KIAA1549L: variants seen among roughly 807,000 people sequenced by gnomAD.
The protein encoded by KIAA1549L is UPF0606 protein KIAA1549L.
A neutral mutation model predicts 160.7 loss-of-function variants in KIAA1549L; 88 were observed. That is an observed-to-expected ratio of 0.55 (90% confidence interval 0.46 to 0.65). The LOEUF (loss-of-function observed/expected upper bound fraction) is 0.65, where lower values mean the gene tolerates loss of function less well. Ranked by LOEUF, KIAA1549L falls within the 30% of genes least tolerant of loss-of-function variation. The probability of loss-of-function intolerance (pLI) is 0.00; values close to 1 mark genes in which losing one functional copy is unlikely to be tolerated. For synonymous variants in KIAA1549L, 950 were observed against 976.7 expected (o/e 0.97, Z 0.51); for missense variants, 2,258 against 2,437.5 (o/e 0.93, Z 1.55).
intron 1 of KIAA1549L, among the ~76,000 whole-genome samples, chr11:33,455,094 A>T (rs59102476): frequency 1.3e-5 from 2 of 152,014 alleles, no homozygotes; most frequent in East Asian, 3.9e-4. Flanking sequence ...ATCTCAAAAA[A>T]CAAAACAAAA....
chr11:33,480,345 C>G (rs1251792563), intron 1 of KIAA1549L, among the ~76,000 whole-genome samples: 1 of 152,142 alleles, frequency 6.6e-6, no homozygotes, highest in East Asian at 1.9e-4. Flanking sequence ...CTCAGCCGTG[C>G]TGTAGCATGT....
intron 16 of KIAA1549L, among the ~76,000 whole-genome samples, chr11:33,624,453 C>T (rs1851041354): frequency 6.6e-6 from 1 of 152,172 alleles, no homozygotes; most frequent in African/African-American, 2.4e-5. Flanking sequence ...ATGTAAACAC[C>T]CCTTGGGAAT....
intron 1 of KIAA1549L, among the ~76,000 whole-genome samples, chr11:33,386,970 G>A (rs1850185987): frequency 6.6e-6 from 1 of 152,000 alleles, no homozygotes. Context: ...AGCCAGGTAT[G>A]GTGGTGCACA....
rs113827305 is a variant in KIAA1549L, at chr11:33,517,868, G to A, written c.239-23934G>A. Reference sequence around the variant, plus strand: ...AACTTAAAAGACATTGCAGGCAGGCGCGGTGGCTCACACCTGTAATCCTAG... The same window carrying A: ...AACTTAAAAGACATTGCAGGCAGGCACGGTGGCTCACACCTGTAATCCTAG... On this transcript the variant is annotated intron_variant, in intron 1 of 20. Coordinates refer to ENST00000658780, the MANE Select transcript of KIAA1549L (RefSeq NM_012194.3). 3.9e-5 allele frequency among the ~76,000 whole-genome samples: 6 copies of A among 152,136 alleles called. 1 individual carries two copies. The highest frequency in any genetic ancestry group is 9.6e-5 in the African/African-American group (4 of 41,496).
chr11:33,588,099 G>A (rs1242116930), intron 11 of KIAA1549L, among the ~76,000 whole-genome samples: 1 of 152,172 alleles, frequency 6.6e-6, no homozygotes, highest in Non-Finnish European at 1.5e-5. Context: ...CTGTAAACTG[G>A]GAACTCATGA....
chr11:33,470,090 T>C (rs73487007), intron 1 of KIAA1549L, among the ~76,000 whole-genome samples: 2,473 of 152,324 alleles, frequency 0.016, 53 homozygotes, highest in African/African-American at 0.055. Flanking sequence ...AACTGTTGCC[T>C]AATCTAAGGT....
At chr11:33,625,860 C>G (rs1178933078) in intron 16 of KIAA1549L, among the ~76,000 whole-genome samples, 4 of 152,032 alleles carry the variant, frequency 2.6e-5, no homozygotes, top group Admixed American at 6.6e-5. Context: ...ATGGTAATGC[C>G]TAGGTTTTCT....
At chr11:33,467,867 ACT>A (rs1336100453) in intron 1 of KIAA1549L, among the ~76,000 whole-genome samples, 2 of 152,030 alleles carry the variant, frequency 1.3e-5, no homozygotes, top group African/African-American at 2.4e-5. Context: ...AAGGTGAAAA[ACT>A]CTGCAGTTAA....
intron 1 of KIAA1549L, among the ~76,000 whole-genome samples, chr11:33,477,503 G>GCGCACA (rs60112370): frequency 2.8e-5 from 4 of 142,878 alleles, no homozygotes; most frequent in African/African-American, 1.1e-4. Context: ...CCACGCAGGT[G>GCGCACA]CACGCACACA....
At chr11:33,501,414 T>G (rs1424983699) in intron 1 of KIAA1549L, among the ~76,000 whole-genome samples, 1 of 152,218 alleles carries the variant, frequency 6.6e-6, no homozygotes, top group African/African-American at 2.4e-5. Context: ...ATGGAAATAA[T>G]TTGGATAATG....
chr11:33,545,392 G>A lies in KIAA1549L; in HGVS notation c.3385+14G>A. Reference sequence around the variant, plus strand: ...TGGTGAAGACAGGTATGAGACCACTGTTCTGATCTGAAAGCAGCAAGCCTG... The same window carrying A: ...TGGTGAAGACAGGTATGAGACCACTATTCTGATCTGAAAGCAGCAAGCCTG... On this transcript the variant is annotated intron_variant, in intron 3 of 20. Transcript: ENST00000658780. 1.9e-6 allele frequency: 3 copies of A among 1,591,890 alleles called. No homozygotes were observed. Among genetic ancestry groups the A allele is most frequent in the Non-Finnish European group, 2.6e-6 (3 of 1,171,930 alleles).
At chr11:33,398,803 T>C (rs1185330634) in intron 1 of KIAA1549L, among the ~76,000 whole-genome samples, 1 of 152,240 alleles carries the variant, frequency 6.6e-6, no homozygotes, top group Admixed American at 6.5e-5. Context: ...TCACAATCTC[T>C]GAATCTTAGG....
chr11:33,380,722 T>C (rs932781403), intron 1 of KIAA1549L, among the ~76,000 whole-genome samples: 1 of 152,118 alleles, frequency 6.6e-6, no homozygotes, highest in African/African-American at 2.4e-5. Context: ...TGAATCTGGG[T>C]ACCACTGCAT....
chr11:33,572,202 A>G (rs1376719034), intron 9 of KIAA1549L, among the ~76,000 whole-genome samples: 1 of 151,960 alleles, frequency 6.6e-6, no homozygotes, highest in African/African-American at 2.4e-5. Flanking sequence ...ACGCCCAGCT[A>G]ATTTTTGTAT....
chr11:33,656,655 C>T (rs1211923791), intron 18 of KIAA1549L, among the ~76,000 whole-genome samples: 1 of 152,186 alleles, frequency 6.6e-6, no homozygotes, highest in Non-Finnish European at 1.5e-5. Context: ...AACAAAAGCC[C>T]TGAGCACTGG....
chr11:33,591,309 A>C lies in KIAA1549L; in HGVS notation c.4639A>C (p.Thr1547Pro). The C allele has an allele frequency of 6.2e-7, 1 of 1,613,604 alleles. No homozygotes were observed. The highest frequency in any genetic ancestry group is 8.5e-7 in the Non-Finnish European group (1 of 1,179,596). Residue 1547 changes from threonine (T) to proline (P), a missense_variant, in exon 12 of 21, where the codon ACT (threonine) becomes CCT (proline). This residue lies in a region of KIAA1549L where 1,359 missense variants were observed against 1,546.6 expected (regional missense o/e 0.88). Coordinates refer to ENST00000658780, the MANE Select transcript of KIAA1549L (RefSeq NM_012194.3). ...GGCAGATGAGGAGGTCATCCCTGTG[A>C]CTCAGGAGACAGTGGTTCTCCCACT... ...QGADEEVIPV[T>P]QETVVLPLPI...
chr11:33,506,919 A>G (rs1853104805), intron 1 of KIAA1549L, among the ~76,000 whole-genome samples: 1 of 152,150 alleles, frequency 6.6e-6, no homozygotes, highest in African/African-American at 2.4e-5. Flanking sequence ...ACCAGGGCCT[A>G]GGTTAGTGGA....
rs1393149828 is a variant in KIAA1549L at position 33,539,109 on chromosome 11, A to G, written c.239-2693A>G. On this transcript the variant is annotated intron_variant, in intron 1 of 20. Coordinates refer to ENST00000658780, the MANE Select transcript of KIAA1549L (RefSeq NM_012194.3). ...CTTCTGAATTTGGCATCATTTGGTA[A>G]TTCAGTGAACATGCTTTCTCCCTTG... Among the ~76,000 whole-genome samples, 4 of 152,288 alleles carry G rather than the reference A, an allele frequency of 2.6e-5. No individual in the cohort carries two copies. The Middle Eastern group carries it at 0.01, about 388-fold the overall frequency.
intron 1 of KIAA1549L, among the ~76,000 whole-genome samples, chr11:33,480,756 A>G (rs866628804): frequency 8.5e-5 from 13 of 152,172 alleles, no homozygotes; most frequent in African/African-American, 2.9e-4. Flanking sequence ...GACTCTTTGC[A>G]GTCTTTGTGC....
Sources: gnomAD v4.1 joint callset for allele counts (sites outside exome capture counted in the v4.1 genomes callset) on GRCh38, gnomAD v4.1.1 for gene constraint, gnomAD v4.1.1 regional missense constraint, MANE v1.5 for transcripts, NCBI Gene and HGNC (gene_info 2026-07-23, HGNC 2026-07-21) for gene names.